C12orf42: variants seen among roughly 807,000 people sequenced by gnomAD.
C12orf42 encodes uncharacterized protein C12orf42.
A neutral mutation model predicts 21.6 loss-of-function variants in C12orf42; 25 were observed. The ratio of observed to expected loss-of-function variants is 1.16; its 90% CI spans 0.84 to 1.62. C12orf42 has a LOEUF of 1.62. Ranked by LOEUF, C12orf42 falls within the 40% of genes most tolerant of loss-of-function variation. The pLI, the probability that C12orf42 is intolerant of heterozygous loss-of-function variation, is 0.00. For missense variants in C12orf42, 483 were observed against 459.3 expected, an observed-to-expected ratio of 1.05 and a Z score of -0.47; for synonymous variants, 174 against 175.0, an observed-to-expected ratio of 0.99 and a Z score of 0.05.
the C12orf42 span, among the ~76,000 whole-genome samples, chr12:103,155,724 A>G: frequency 6.6e-6 from 1 of 150,736 alleles, no homozygotes. Flanking sequence ...ATACAAGTGT[A>G]TATATATACA....
At chr12:103,200,147 T>A in the C12orf42 span, among the ~76,000 whole-genome samples, 2 of 151,990 alleles carry the variant, frequency 1.3e-5, no homozygotes, top group Non-Finnish European at 2.9e-5. Context: ...TTAATCAGGC[T>A]TAAAAAAGAA....
In C12orf42 at chr12:103,307,401, T is replaced by C. The variant is rs1235674607; in HGVS notation, c.260-1056A>G. 2.0e-5 allele frequency among the ~76,000 whole-genome samples: 3 copies of C among 152,204 alleles called. No individual in the cohort carries two copies. The East Asian group carries it at 5.8e-4, about 29-fold the overall frequency. ...ACATTGATTCTTATCCAGCAGTTGA[T>C]ATGGGTTTCTTTACCTAATTCATTT... On this transcript the variant is annotated intron_variant, in intron 4 of 5. Transcript: ENST00000548883.
chr12:103,171,206 T>G, the C12orf42 span, among the ~76,000 whole-genome samples: 5 of 152,144 alleles, frequency 3.3e-5, no homozygotes, highest in African/African-American at 4.8e-5. Flanking sequence ...ATCTATCCAC[T>G]GACCCTGCAC....
the C12orf42 span, among the ~76,000 whole-genome samples, chr12:103,195,252 T>G: frequency 1.3e-5 from 2 of 152,144 alleles, no homozygotes; most frequent in Non-Finnish European, 2.9e-5. Context: ...CTATGATGAA[T>G]ATACACATGC....
At chr12:103,432,255 T>C (rs1218866854) in intron 2 of C12orf42, among the ~76,000 whole-genome samples, 1 of 152,190 alleles carries the variant, frequency 6.6e-6, no homozygotes, top group African/African-American at 2.4e-5. Context: ...GCTCCTGAGA[T>C]CTTAGCCACA....
intron 4 of C12orf42, among the ~76,000 whole-genome samples, chr12:103,287,439 C>T (rs1393575758): frequency 7.2e-6 from 1 of 139,424 alleles, no homozygotes; most frequent in African/African-American, 2.9e-5. Flanking sequence ...TCATTCTCAG[C>T]AAACTATCAC....
the C12orf42 span, among the ~76,000 whole-genome samples, chr12:103,083,779 C>T: frequency 6.6e-6 from 1 of 152,130 alleles, no homozygotes; most frequent in Admixed American, 6.5e-5. Context: ...AGAATATAAA[C>T]AATGAAGTAT....
chr12:103,136,182 T>C, the C12orf42 span, among the ~76,000 whole-genome samples: 4,644 of 152,226 alleles, frequency 0.031, 163 homozygotes, highest in African/African-American at 0.087. Flanking sequence ...TTAGGTCTGA[T>C]AATAAATTCA....
At chr12:103,113,497 T>C in the C12orf42 span, among the ~76,000 whole-genome samples, 3 of 148,862 alleles carry the variant, frequency 2.0e-5, no homozygotes, top group South Asian at 6.2e-4. Flanking sequence ...CTCAACTAAT[T>C]TGAGTTCTTT....
the C12orf42 span, among the ~76,000 whole-genome samples, chr12:103,096,393 G>A: frequency 6.3e-4 from 95 of 151,908 alleles, no homozygotes; most frequent in Middle Eastern, 3.4e-3. Context: ...TAAGTTGTTC[G>A]GACCCAAGTA....
At chr12:103,527,006 C>G in the C12orf42 span, among the ~76,000 whole-genome samples, 1 of 152,150 alleles carries the variant, frequency 6.6e-6, no homozygotes, top group South Asian at 2.1e-4. Context: ...TCCCATTCAA[C>G]AGCAGCTACT....
At chr12:103,093,978 G>T in the C12orf42 span, among the ~76,000 whole-genome samples, 1 of 152,178 alleles carries the variant, frequency 6.6e-6, no homozygotes, top group Non-Finnish European at 1.5e-5. Context: ...ACTTAAGGGA[G>T]GGCGTGGTGC....
the C12orf42 span, among the ~76,000 whole-genome samples, chr12:103,515,517 T>C: frequency 6.6e-6 from 1 of 152,216 alleles, no homozygotes; most frequent in East Asian, 1.9e-4. Flanking sequence ...TGATAATGAA[T>C]GCAGAGCTGT....
At chr12:103,547,348 T>C in the C12orf42 span, among the ~76,000 whole-genome samples, 1 of 152,244 alleles carries the variant, frequency 6.6e-6, no homozygotes, top group African/African-American at 2.4e-5. Flanking sequence ...TTTCCATTAT[T>C]GTAGAAAGTT....
chr12:103,522,621 C>T, the C12orf42 span, among the ~76,000 whole-genome samples: 4 of 152,138 alleles, frequency 2.6e-5, no homozygotes, highest in Non-Finnish European at 5.9e-5. Context: ...TTTTAGAATG[C>T]CCCCCTCTTT....
chr12:103,440,457 CAA>C, intron 2 of C12orf42, among the ~76,000 whole-genome samples: 58 of 69,696 alleles, frequency 8.3e-4, no homozygotes, highest in African/African-American at 2.7e-3. Context: ...TCACAGATAC[CAA>C]AAAAAAAAAA....
At chr12:103,287,093 T>G (rs1206295528) in intron 4 of C12orf42, among the ~76,000 whole-genome samples, 1 of 152,224 alleles carries the variant, frequency 6.6e-6, no homozygotes, top group Non-Finnish European at 1.5e-5. Context: ...GGAACACTTT[T>G]ACACTGTTGG....
At chr12:103,317,310 G>A (rs1006749448) in intron 4 of C12orf42, among the ~76,000 whole-genome samples, 2 of 152,112 alleles carry the variant, frequency 1.3e-5, no homozygotes, top group Non-Finnish European at 2.9e-5. Context: ...TCCTAGTAAA[G>A]GGACACATGG....
chr12:103,476,411 C>G (rs953044531), intron 2 of C12orf42, among the ~76,000 whole-genome samples: 1 of 152,202 alleles, frequency 6.6e-6, no homozygotes, highest in Admixed American at 6.5e-5. Flanking sequence ...AAGAAACTCT[C>G]TCTTCCCATA....
Sources: gnomAD v4.1 joint callset for allele counts (sites outside exome capture counted in the v4.1 genomes callset) on GRCh38, gnomAD v4.1.1 for gene constraint, MANE v1.5 for transcripts, NCBI Gene and HGNC (gene_info 2026-07-23, HGNC 2026-07-21) for gene names.